DNAJB5: variants seen among roughly 807,000 people sequenced by gnomAD.
The protein encoded by DNAJB5 is DnaJ heat shock protein family (Hsp40) member B5, also known as dnaJ homolog subfamily B member 5.
A neutral mutation model predicts 32.6 loss-of-function variants in DNAJB5; 12 were observed. The observed-to-expected ratio is 0.37, with a 90% CI of 0.24 to 0.60. The LOEUF is 0.60. Ranked by LOEUF, DNAJB5 falls within the 20% of genes least tolerant of loss-of-function variation. The probability of loss-of-function intolerance (pLI) is 0.71; values close to 1 mark genes in which losing one functional copy is unlikely to be tolerated. For synonymous variants in DNAJB5, 188 were observed against 212.9 expected, an observed-to-expected ratio of 0.88 and a Z score of 1.02; for missense variants, 358 against 554.2, an observed-to-expected ratio of 0.65 and a Z score of 3.55.
intron 3 of DNAJB5, among the ~76,000 whole-genome samples, chr9:34,994,377 C>A (rs1000934175): frequency 4.6e-5 from 7 of 152,190 alleles, no homozygotes; most frequent in African/African-American, 1.4e-4. Context: ...GTGTTCCATG[C>A]CCCTCTGTGA....
Position 34,997,170 on chromosome 9 carries a change from G to T in DNAJB5, c.1174G>T (p.Asp392Tyr). The T allele has an allele frequency of 6.2e-7, 1 of 1,614,136 alleles. No individual in the cohort carries two copies. The highest frequency in any genetic ancestry group is 8.5e-7 in the Non-Finnish European group (1 of 1,180,032). Residue 392 changes from aspartate (D) to tyrosine (Y), a missense_variant, in exon 5 of 5, where the codon GAC (aspartate) becomes TAC (tyrosine). By Grantham distance (160) the Asp-to-Tyr change is radical. Around this residue, in one of 2 missense-constraint regions of DNAJB5, gnomAD observed 248 missense variants for 442.6 expected, o/e 0.56. Transcript: ENST00000682809. This position sits in a 1 kb window ranked among gnomAD's most constrained non-coding sequence, Gnocchi z 4.1. ...CCCCAAAGTGCCAACTCAGCGAGGA[G>T]ACCTCATTGTTGAGTTCAAAGTTCG... Reference protein sequence around the residue: ...PFPKVPTQRGDLIVEFKVRFP... With the variant: ...PFPKVPTQRGYLIVEFKVRFP...
intron 2 of DNAJB5, chr9:34,991,800 C>A (rs565985344): frequency 4.9e-6 from 1 of 202,178 alleles, no homozygotes; most frequent in East Asian, 1.4e-4. Flanking sequence ...GCCTTTTCTT[C>A]GTCAGAGAAA....
At chr9:34,991,547 T>G in intron 2 of DNAJB5, 2 of 422,820 alleles carry the variant, frequency 4.7e-6, no homozygotes, top group Non-Finnish European at 9.5e-6. Context: ...GGCACCCTCT[T>G]GGTGTGCTAG....
In DNAJB5 at chr9:34,993,539, G is replaced by T; in HGVS notation, c.427+95G>T. The stretch of plus-strand genomic sequence containing the variant: ...GTGTAGCGGGGAACTGGAGGCTGTG[G>T]AGGGGGTGAGGGCAGCAAGGGTTTC... On this transcript the variant is annotated intron_variant, in intron 3 of 4. Coordinates refer to ENST00000682809, the MANE Select transcript of DNAJB5 (RefSeq NM_001349723.3). This position sits in a 1 kb window ranked among gnomAD's most constrained non-coding sequence, Gnocchi z 4.7. 1 of 1,492,896 alleles carries T rather than the reference G, an allele frequency of 6.7e-7. No homozygotes were observed. Among genetic ancestry groups the T allele is most frequent in the Middle Eastern group, 2.5e-4 (1 of 4,030 alleles). 92.5% of individuals were successfully genotyped at this position (1,492,896 alleles called of 1,614,324 possible). A position where few individuals can be genotyped will look rare whatever the true frequency, so the allele number is the denominator to read the frequency against.
In DNAJB5 at chr9:34,990,184, T is replaced by G; in HGVS notation, c.-132-315T>G. 2 of 1,162,648 alleles carry G rather than the reference T, an allele frequency of 1.7e-6. No individual in the cohort carries two copies. The highest frequency in any genetic ancestry group is 2.3e-6 in the Non-Finnish European group (2 of 888,744). 72.0% of individuals were successfully genotyped at this position (1,162,648 alleles called of 1,614,324 possible). ...CTCCCCTCCTCTCCTCGCCGCGCCT[T>G]TTGTCCCGGCCGAGCTCCGCTCTGC... On this transcript the variant is annotated intron_variant, in intron 1 of 4. Coordinates refer to ENST00000682809, the MANE Select transcript of DNAJB5 (RefSeq NM_001349723.3). This position sits in a 1 kb window ranked among gnomAD's most constrained non-coding sequence, Gnocchi z 4.5.
At position 34,993,207 on chromosome 9, in the gene DNAJB5, G is replaced by A; in HGVS notation, c.190G>A (p.Glu64Lys). The change falls in exon 3 of 5, where the codon GAG (glutamate) becomes AAG (lysine). Residue 64 changes from glutamate to lysine, a missense_variant. Physicochemically the swap from Glu to Lys is moderately conservative, Grantham distance 56. Coordinates refer to ENST00000682809, the MANE Select transcript of DNAJB5 (RefSeq NM_001349723.3). The surrounding 1 kb of genome is among the most constrained non-coding windows in gnomAD (Gnocchi z 4.7). Reference sequence around the variant, plus strand: ...GCCCTGGGTTTCTTTCAGAAACAAGGAGACCAGTGCTGGTCCAGTGGCTGT... The same window carrying A: ...GCCCTGGGTTTCTTTCAGAAACAAGAAGACCAGTGCTGGTCCAGTGGCTGT... The part of the protein sequence containing the change: ...LNGFVKFRNK[E>K]TSAGPVAVMG... 6.2e-7 allele frequency: 1 copy of A among 1,610,120 alleles called. No individual in the cohort carries two copies. The highest frequency in any genetic ancestry group is 8.5e-7 in the Non-Finnish European group (1 of 1,178,786).
rs373791987 is a variant in DNAJB5 at position 34,990,596 on chromosome 9, G to A, written c.-35G>A. The A allele has an allele frequency of 1.8e-4, 274 of 1,551,308 alleles. No homozygotes were observed. Among genetic ancestry groups the A allele is most frequent in the Non-Finnish European group, 2.2e-4 (257 of 1,146,964 alleles). On this transcript the variant is annotated 5_prime_UTR_variant, in exon 2 of 5. Transcript: ENST00000682809. The surrounding 1 kb of genome is among the most constrained non-coding windows in gnomAD (Gnocchi z 4.5). ...AGCTGCAGCACTTCAGGCCGGCTCC[G>A]GTGGAGCGATCAGAGGTGAGGGGCT...
Position 34,996,994 on chromosome 9 carries a change from C to CTT in DNAJB5, c.1030-29_1030-28dup. 2 of 1,607,528 alleles carry CTT rather than the reference C, an allele frequency of 1.2e-6. No individual in the cohort carries two copies. Among genetic ancestry groups the CTT allele is most frequent in the Non-Finnish European group, 1.7e-6 (2 of 1,178,936 alleles). On this transcript the variant is annotated intron_variant, in intron 4 of 4. Coordinates refer to ENST00000682809, the MANE Select transcript of DNAJB5 (RefSeq NM_001349723.3). This position sits in a 1 kb window ranked among gnomAD's most constrained non-coding sequence, Gnocchi z 7.2. ...TTCCTTCCCACTCACCTTACCCCAC[C>CTT]TTTTCCTCACTTTCTGCTTCGTCTT...
chr9:34,996,199 AG>A lies in DNAJB5; in HGVS notation c.428-61del. The A allele has an allele frequency of 6.5e-7, 1 of 1,548,448 alleles. No individual in the cohort carries two copies. The highest frequency in any genetic ancestry group is 1.3e-5 in the South Asian group (1 of 79,148). Reference sequence around the variant, plus strand: ...GCCTGTGAACTGGGAGCTAGAGGGCAGGGGGAAGACACTGGGATTGGGGCCA... The same window carrying A: ...GCCTGTGAACTGGGAGCTAGAGGGCAGGGGAAGACACTGGGATTGGGGCCA... On this transcript the variant is annotated intron_variant, in intron 3 of 4. Transcript: ENST00000682809. The surrounding 1 kb of genome is among the most constrained non-coding windows in gnomAD (Gnocchi z 7.2).
intron 2 of DNAJB5, chr9:34,991,666 T>G (rs1251943769): frequency 2.3e-5 from 2 of 85,510 alleles, no homozygotes; most frequent in African/African-American, 8.8e-5. Flanking sequence ...CCGAAAACGG[T>G]TGCCCCCCCC....
chr9:34,995,901 C>T (rs548275304), intron 3 of DNAJB5, among the ~76,000 whole-genome samples: 19 of 152,332 alleles, frequency 1.2e-4, no homozygotes, highest in African/African-American at 4.6e-4. Flanking sequence ...CCAAGTATCA[C>T]TTGTAATGTG....
Position 34,996,649 on chromosome 9 carries a change from C to A in DNAJB5, c.812C>A (p.Pro271His). 2.5e-6 allele frequency: 4 copies of A among 1,614,178 alleles called. No homozygotes were observed. The highest frequency in any genetic ancestry group is 3.4e-6 in the Non-Finnish European group (4 of 1,180,030). The change falls in exon 4 of 5, where the codon CCT (proline) becomes CAT (histidine). Residue 271 changes from proline to histidine, a missense_variant. Coordinates refer to ENST00000682809, the MANE Select transcript of DNAJB5 (RefSeq NM_001349723.3). This position sits in a 1 kb window ranked among gnomAD's most constrained non-coding sequence, Gnocchi z 7.2. ...AAGATCACAAGGCGTCGCCTCAACC[C>A]TGATGGGCGAACTGTGCGCACCGAG... ...RMKITRRRLN[P>H]DGRTVRTEDK...
chr9:34,991,752 CTG>C, intron 2 of DNAJB5: 1 of 252,288 alleles, frequency 4.0e-6, no homozygotes, highest in South Asian at 3.7e-5. Context: ...ACGTGACATG[CTG>C]GTGGGGGGCA....
In DNAJB5 at chr9:34,990,916, CCT is replaced by C; in HGVS notation, c.182+107_182+108del. 1 of 1,230,032 alleles carries C rather than the reference CCT, an allele frequency of 8.1e-7. No homozygotes were observed. The highest frequency in any genetic ancestry group is 1.1e-6 in the Non-Finnish European group (1 of 900,752). The allele number at this position is 1,230,032 out of a possible 1,614,324, so 76.2% of individuals were successfully genotyped here. A position where few individuals can be genotyped will look rare whatever the true frequency, so the allele number is the denominator to read the frequency against. Reference sequence around the variant, plus strand: ...TGCTTCCTCCAACTCATCCTCATCCCCTCTGTGACATACAGGAACCCCCCTCC... The same window carrying C: ...TGCTTCCTCCAACTCATCCTCATCCCCTGTGACATACAGGAACCCCCCTCC... On this transcript the variant is annotated intron_variant, in intron 2 of 4. Coordinates refer to ENST00000682809, the MANE Select transcript of DNAJB5 (RefSeq NM_001349723.3). The surrounding 1 kb of genome is among the most constrained non-coding windows in gnomAD (Gnocchi z 4.5).
chr9:34,990,683 A>G lies in DNAJB5; in HGVS notation c.53A>G (p.Gln18Arg). The G allele has an allele frequency of 6.4e-7, 1 of 1,551,704 alleles. No individual in the cohort carries two copies. Among genetic ancestry groups the G allele is most frequent in the Non-Finnish European group, 8.7e-7 (1 of 1,146,980 alleles). ...CCACCCCCAGCAGCACCCCCACTGC[A>G]GGCCCGAGGAGCTTTCCGGAGCTTC... ...SCPPPAAPPL[Q>R]ARGAFRSFPH... Residue 18 changes from glutamine to arginine, a missense_variant, in exon 2 of 5, where the codon CAG becomes CGG. Physicochemically the swap from Gln to Arg is conservative, Grantham distance 43. Around this residue, in one of 2 missense-constraint regions of DNAJB5, gnomAD observed 110 missense variants for 111.7 expected, o/e 0.99. Coordinates refer to ENST00000682809, the MANE Select transcript of DNAJB5 (RefSeq NM_001349723.3). This position sits in a 1 kb window ranked among gnomAD's most constrained non-coding sequence, Gnocchi z 4.5.
At position 34,990,255 on chromosome 9, in the gene DNAJB5, A is replaced by C; in HGVS notation, c.-132-244A>C. On this transcript the variant is annotated intron_variant, in intron 1 of 4. Coordinates refer to ENST00000682809, the MANE Select transcript of DNAJB5 (RefSeq NM_001349723.3). This position sits in a 1 kb window ranked among gnomAD's most constrained non-coding sequence, Gnocchi z 4.5. ...GAGACTCCCGTCAGTGACTTCATTGAGTAGGTTCTTGGGGATTGGGGTCGG... is the reference window on the plus strand; with the variant it reads ...GAGACTCCCGTCAGTGACTTCATTGCGTAGGTTCTTGGGGATTGGGGTCGG... 1.5e-6 allele frequency: 2 copies of C among 1,334,464 alleles called. No homozygotes were observed. The highest frequency in any genetic ancestry group is 2.0e-6 in the Non-Finnish European group (2 of 1,023,632). The allele number at this position is 1,334,464 out of a possible 1,614,324, so 82.7% of individuals were successfully genotyped here.
intron 3 of DNAJB5, among the ~76,000 whole-genome samples, chr9:34,994,488 A>T (rs1397940127): frequency 6.6e-6 from 1 of 152,072 alleles, no homozygotes; most frequent in African/African-American, 2.4e-5. Flanking sequence ...GATTCACCAG[A>T]TACCGGCTGG....
chr9:34,997,480 G>A lies in DNAJB5; in HGVS notation c.*221G>A, dbSNP rs1827834837. 4.4e-6 allele frequency: 3 copies of A among 681,834 alleles called. No individual in the cohort carries two copies. The highest frequency in any genetic ancestry group is 1.5e-5 in the South Asian group (1 of 65,784). The allele number at this position is 681,834 out of a possible 1,614,324, so 42.2% of individuals were successfully genotyped here. A position where few individuals can be genotyped will look rare whatever the true frequency, so the allele number is the denominator to read the frequency against. ...GGTGGGGAGAGCTAGCCCAGGCCAG[G>A]GGTCAATGTTCATGTCACTAGCTTT... is the stretch of plus-strand genomic sequence containing the variant. On this transcript the variant is annotated 3_prime_UTR_variant, in exon 5 of 5. Transcript: ENST00000682809. This position sits in a 1 kb window ranked among gnomAD's most constrained non-coding sequence, Gnocchi z 4.1.
At chr9:34,998,466 T>G (rs1201754353), downstream of DNAJB5, 1 of 152,078 alleles carries the variant, frequency 6.6e-6, no homozygotes, top group Non-Finnish European at 1.5e-5. Flanking sequence ...GGGATGGGGG[T>G]GGCTGAGGAG....
Sources: gnomAD v4.1 joint callset for allele counts (sites outside exome capture counted in the v4.1 genomes callset) on GRCh38, gnomAD v4.1.1 for gene constraint, gnomAD v4.1.1 regional missense constraint, Gnocchi (gnomAD v3.1) non-coding constraint, MANE v1.5 for transcripts, NCBI Gene and HGNC (gene_info 2026-07-23, HGNC 2026-07-21) for gene names.